Variants in TSPEAR observed in about 807,000 individuals in gnomAD.
TSPEAR encodes the protein thrombospondin type laminin G domain and EAR repeats.
TSPEAR carries 69 observed loss-of-function variants against 71.6 expected under a neutral mutation model. That is an observed-to-expected ratio of 0.96 (90% confidence interval 0.79 to 1.18). The LOEUF (loss-of-function observed/expected upper bound fraction) is 1.18. Ranked by LOEUF, TSPEAR falls within the 50% of genes most tolerant of loss-of-function variation. The pLI, the probability that TSPEAR is intolerant of heterozygous loss-of-function variation, is 0.00. For missense variants in TSPEAR, 971 were observed against 894.9 expected (o/e 1.09, Z -1.09); for synonymous variants, 402 against 387.2 (o/e 1.04, Z -0.45).
At chr21:44,592,594 C>G (rs186924110) in intron 1 of TSPEAR, 2 of 1,490,512 alleles carry the variant, frequency 1.3e-6, no homozygotes, top group Admixed American at 2.3e-5. Flanking sequence ...CTTCCCCTTC[C>G]GTGTTGCCGA....
chr21:44,517,600 CCTTCCTGCTG>C, intron 9 of TSPEAR: 1 of 374,010 alleles, frequency 2.7e-6, no homozygotes, highest in South Asian at 2.0e-5. Context: ...CAGGTCAGCC[CCTTCCTGCTG>C]CTTCCCACCG....
intron 1 of TSPEAR, among the ~76,000 whole-genome samples, chr21:44,594,344 C>T (rs987658156): frequency 2.0e-5 from 3 of 152,166 alleles, no homozygotes; most frequent in East Asian, 1.9e-4. Flanking sequence ...ACTTAGGTGA[C>T]GTCCAGGAAG....
chr21:44,623,516 T>A lies in TSPEAR; in HGVS notation c.83-55511A>T, dbSNP rs1011423141. 3.9e-5 allele frequency among the ~76,000 whole-genome samples: 6 copies of A among 152,382 alleles called. No individual in the cohort carries two copies. Among genetic ancestry groups the A allele is most frequent in the African/African-American group, 1.4e-4 (6 of 41,594 alleles). On this transcript the variant is annotated intron_variant, in intron 1 of 11. Coordinates refer to ENST00000323084, the MANE Select transcript of TSPEAR (RefSeq NM_144991.3). This position sits in a 1 kb window ranked among gnomAD's most constrained non-coding sequence, Gnocchi z 4.5. ...AGATTTCCCCATGTTGTCCTCCTTT[T>A]GTTACACTTCATTTCCTTTTCGACT...
At chr21:44,531,263 C>G in intron 3 of TSPEAR, 130 bp from the exon 4 acceptor site, 1 of 700,998 alleles carries the variant, frequency 1.4e-6, no homozygotes, top group Non-Finnish European at 2.4e-6. Flanking sequence ...CAAAGGATGG[C>G]ACACAGGGCT....
intron 1 of TSPEAR, among the ~76,000 whole-genome samples, chr21:44,664,705 A>T (rs1211005888): frequency 2.6e-5 from 4 of 152,204 alleles, no homozygotes; most frequent in Non-Finnish European, 5.9e-5. Flanking sequence ...GTTGGCAAAA[A>T]GATACTTAGC....
chr21:44,659,207 T>C (rs1304520674), intron 1 of TSPEAR, among the ~76,000 whole-genome samples: 1 of 151,830 alleles, frequency 6.6e-6, no homozygotes, highest in Non-Finnish European at 1.5e-5. Flanking sequence ...TGTAGAGATC[T>C]CCTCTGAACG....
chr21:44,506,946 CAG>C lies in TSPEAR; in HGVS notation c.1755-2067_1755-2066del, dbSNP rs1183913257. 1.3e-5 allele frequency: 2 copies of C among 152,264 alleles called. No individual in the cohort carries two copies. The highest frequency in any genetic ancestry group is 4.8e-5 in the African/African-American group (2 of 41,458). The allele number at this position is 152,264 out of a possible 1,614,324, so 9.4% of individuals were successfully genotyped here. ...GCCCTGGGTCACACTCGCTGTAGGA[CAG>C]ATGTTATTCTTCAGAATCACGCCCT... On this transcript the variant is annotated intron_variant, in intron 10 of 11. Coordinates refer to ENST00000323084, the MANE Select transcript of TSPEAR (RefSeq NM_144991.3). This position sits in a 1 kb window ranked among gnomAD's most constrained non-coding sequence, Gnocchi z 4.2.
chr21:44,697,704 G>T (rs1555950930), intron 1 of TSPEAR: 1 of 1,612,426 alleles, frequency 6.2e-7, no homozygotes, highest in Non-Finnish European at 8.5e-7. Flanking sequence ...GTCTGCTCTG[G>T]GGCCTCCTCT....
chr21:44,534,018 T>G (rs1601377639), intron 2 of TSPEAR, 95 bp from the exon 3 acceptor site: 1 of 891,360 alleles, frequency 1.1e-6, no homozygotes, highest in Non-Finnish European at 1.7e-6. Context: ...TGAGCACAGG[T>G]GGTGAGAGGA....
intron 1 of TSPEAR, chr21:44,602,320 A>C: frequency 6.3e-6 from 1 of 159,622 alleles, no homozygotes; most frequent in Non-Finnish European, 1.4e-5. Flanking sequence ...CACCACACGG[A>C]TGTCCGAGGG....
chr21:44,612,499 C>T lies in TSPEAR; in HGVS notation c.83-44494G>A. ...AGTCCAACTGCTGCAAGCCCGTGTGCTGCGTGTCCATCTGCTCTGGAGCTT... is the reference window on the plus strand; with the variant it reads ...AGTCCAACTGCTGCAAGCCCGTGTGTTGCGTGTCCATCTGCTCTGGAGCTT... On this transcript the variant is annotated intron_variant, in intron 1 of 11. Transcript: ENST00000323084. The surrounding 1 kb of genome is among the most constrained non-coding windows in gnomAD (Gnocchi z 4.1). The T allele has an allele frequency of 6.2e-7, 1 of 1,610,134 alleles. No individual in the cohort carries two copies. The highest frequency in any genetic ancestry group is 1.1e-5 in the South Asian group (1 of 91,012).
chr21:44,617,455 G>T (rs1351473219), intron 1 of TSPEAR, among the ~76,000 whole-genome samples: 1 of 152,268 alleles, frequency 6.6e-6, no homozygotes, highest in Non-Finnish European at 1.5e-5. Flanking sequence ...GTCCAGGACA[G>T]CGTGGGGACA....
Position 44,612,883 on chromosome 21 carries a change from C to T in TSPEAR, c.83-44878G>A. On this transcript the variant is annotated intron_variant, in intron 1 of 11. Transcript: ENST00000323084. This position sits in a 1 kb window ranked among gnomAD's most constrained non-coding sequence, Gnocchi z 4.1. ...CGTGCTCCCGCCTGGCCTGCTGAGG[C>T]CTCTGCTCAGGCCAGGAGTCCAGCT... is the stretch of plus-strand genomic sequence containing the variant. The T allele has an allele frequency of 6.2e-7, 1 of 1,610,844 alleles. No individual in the cohort carries two copies. The highest frequency in any genetic ancestry group is 8.5e-7 in the Non-Finnish European group (1 of 1,179,604).
At chr21:44,521,685 A>G (rs2052737469) in intron 9 of TSPEAR, among the ~76,000 whole-genome samples, 198 bp downstream of exon 9, 1 of 152,230 alleles carries the variant, frequency 6.6e-6, no homozygotes, top group Non-Finnish European at 1.5e-5. Flanking sequence ...CTCTCAGGCA[A>G]GAAGGGCTCA....
intron 2 of TSPEAR, chr21:44,540,228 G>A (rs2053195270): frequency 3.2e-6 from 5 of 1,566,486 alleles, no homozygotes; most frequent in South Asian, 1.2e-5. Flanking sequence ...GAGTGACTGA[G>A]TGTGTGAGTG....
At chr21:44,633,210 AT>A (rs773287768) in intron 1 of TSPEAR, among the ~76,000 whole-genome samples, 1 of 151,900 alleles carries the variant, frequency 6.6e-6, no homozygotes, top group Non-Finnish European at 1.5e-5. Context: ...TCTATTCTCA[AT>A]TTCTTTATTT....
chr21:44,627,252 T>C lies in TSPEAR; in HGVS notation c.83-59247A>G, dbSNP rs373154362. Reference sequence around the variant, plus strand: ...TGGACGACTGCCCAGAGAGCTGCTGTGAGCCCCCCTGCTGCGCCACCAGCT... The same window carrying C: ...TGGACGACTGCCCAGAGAGCTGCTGCGAGCCCCCCTGCTGCGCCACCAGCT... On this transcript the variant is annotated intron_variant, in intron 1 of 11. Transcript: ENST00000323084. 163 of 1,612,684 alleles carry C rather than the reference T, an allele frequency of 1.0e-4. 1 individual carries two copies. Among genetic ancestry groups the C allele is most frequent in the African/African-American group, 3.9e-4 (29 of 75,010 alleles).
At chr21:44,582,966 G>GTT (rs1979095853) in intron 1 of TSPEAR, among the ~76,000 whole-genome samples, 1 of 151,760 alleles carries the variant, frequency 6.6e-6, no homozygotes, top group Non-Finnish European at 1.5e-5. Flanking sequence ...GGGATTACAG[G>GTT]TGTGCACCAC....
chr21:44,582,552 A>T (rs1979054236), intron 1 of TSPEAR, among the ~76,000 whole-genome samples: 1 of 152,110 alleles, frequency 6.6e-6, no homozygotes, highest in Admixed American at 6.5e-5. Context: ...TTGTCTCTTT[A>T]TTCCTATTTG....
Sources: allele counts gnomAD v4.1 joint callset (sites outside exome capture counted in the v4.1 genomes callset), GRCh38; gene constraint gnomAD v4.1.1; non-coding constraint Gnocchi (gnomAD v3.1); transcripts MANE v1.5; gene names NCBI Gene and HGNC (gene_info 2026-07-23, HGNC 2026-07-21).